Variants in IL2RA observed in about 807,000 individuals in gnomAD.
The protein encoded by IL2RA is interleukin 2 receptor subunit alpha, also known as interleukin-2 receptor subunit alpha.
Under a neutral mutation model 37.8 loss-of-function variants are expected in IL2RA, and 24 were observed. The observed-to-expected ratio is 0.63, with a 90% CI of 0.46 to 0.89. The LOEUF (loss-of-function observed/expected upper bound fraction) is 0.89. Among genes scored for constraint, IL2RA ranks in the 40% least tolerant of loss-of-function variants. The pLI, the probability that IL2RA is intolerant of heterozygous loss-of-function variation, is 0.00. For synonymous variants in IL2RA, 125 were observed against 114.6 expected, an observed-to-expected ratio of 1.09 and a Z score of -0.58; for missense variants, 319 against 348.6, an observed-to-expected ratio of 0.92 and a Z score of 0.68.
chr10:6,052,266 C>T (rs548160092), intron 1 of IL2RA, among the ~76,000 whole-genome samples: 1 of 152,228 alleles, frequency 6.6e-6, no homozygotes, highest in South Asian at 2.1e-4. Flanking sequence ...ATGAGGCAGT[C>T]CCTGATGTGA....
Position 6,054,309 on chromosome 10 carries a change from G to C in IL2RA, c.64+7779C>G, listed in dbSNP as rs1187957713. On this transcript the variant is annotated intron_variant, in intron 1 of 7. Coordinates refer to ENST00000379959, the MANE Select transcript of IL2RA (RefSeq NM_000417.3). The surrounding 1 kb of genome is among the most constrained non-coding windows in gnomAD (Gnocchi z 4.5). The stretch of plus-strand genomic sequence containing the variant: ...GCTCGGGCTGGGTCAGGAAAAAAAT[G>C]TGGAGGTAGGGAAACAAGACCCAGG... 1.3e-5 allele frequency among the ~76,000 whole-genome samples: 2 copies of C among 152,198 alleles called. No individual in the cohort carries two copies. The highest frequency in any genetic ancestry group is 2.9e-5 in the Non-Finnish European group (2 of 68,026).
intron 2 of IL2RA, 64 bp from the exon 3 acceptor site, chr10:6,024,418 T>C: frequency 8.3e-7 from 1 of 1,199,936 alleles, no homozygotes; most frequent in Non-Finnish European, 1.2e-6. Flanking sequence ...ACACTGTTCA[T>C]GTATTCATTC....
rs1840017181 is a variant in IL2RA at position 6,054,777 on chromosome 10, C to G, written c.64+7311G>C. 6.6e-6 allele frequency among the ~76,000 whole-genome samples: 1 copy of G among 152,162 alleles called. No homozygotes were observed. The highest frequency in any genetic ancestry group is 2.1e-4 in the South Asian group (1 of 4,826). On this transcript the variant is annotated intron_variant, in intron 1 of 7. Transcript: ENST00000379959. This position sits in a 1 kb window ranked among gnomAD's most constrained non-coding sequence, Gnocchi z 4.5. Reference sequence around the variant, plus strand: ...ATTTTTTTTCTAGTTCTCCAGGTAGCATGTTACTCTCCCTATTCTGATCAT... The same window carrying G: ...ATTTTTTTTCTAGTTCTCCAGGTAGGATGTTACTCTCCCTATTCTGATCAT...
At chr10:6,017,983 G>T in intron 7 of IL2RA, 70 bp downstream of exon 7, 3 of 1,242,502 alleles carry the variant, frequency 2.4e-6, no homozygotes, top group South Asian at 1.3e-5. Context: ...GGGGGTAGGG[G>T]GGAGGCAGGG....
At chr10:6,027,090 G>A (rs1329499873) in intron 1 of IL2RA, among the ~76,000 whole-genome samples, 2 of 152,228 alleles carry the variant, frequency 1.3e-5, no homozygotes, top group Admixed American at 6.5e-5. Flanking sequence ...GGGAGGCCAA[G>A]GCGGGTAGAT....
chr10:6,050,353 G>A lies in IL2RA; in HGVS notation c.64+11735C>T, dbSNP rs553395210. ...TTTCCTCATCCGTAAAATGGGAATG[G>A]TGGCAGGGCGTGGTGGCTCAAGCCT... On this transcript the variant is annotated intron_variant, in intron 1 of 7. Coordinates refer to ENST00000379959, the MANE Select transcript of IL2RA (RefSeq NM_000417.3). Among the ~76,000 whole-genome samples the A allele has an allele frequency of 2.6e-5, 4 of 152,252 alleles. No individual in the cohort carries two copies. In the East Asian group the frequency reaches 7.7e-4, roughly 29 times the overall value.
intron 1 of IL2RA, among the ~76,000 whole-genome samples, chr10:6,061,085 T>C (rs1840114771): frequency 6.6e-6 from 1 of 152,176 alleles, no homozygotes; most frequent in Non-Finnish European, 1.5e-5. Context: ...GGTGGTTTTT[T>C]ATTTCTTTAA....
rs1305423342 is a variant in IL2RA, at chr10:6,054,849, A to C, written c.64+7239T>G. Among the ~76,000 whole-genome samples, 1 of 151,810 alleles carries C rather than the reference A, an allele frequency of 6.6e-6. No homozygotes were observed. Among genetic ancestry groups the C allele is most frequent in the Non-Finnish European group, 1.5e-5 (1 of 67,932 alleles). On this transcript the variant is annotated intron_variant, in intron 1 of 7. Transcript: ENST00000379959. The surrounding 1 kb of genome is among the most constrained non-coding windows in gnomAD (Gnocchi z 4.5). ...TTGATCAATATTTGATCTTTCCCAG[A>C]TTGGTTTTCCCTTTTTCTAATTTTT...
intron 1 of IL2RA, among the ~76,000 whole-genome samples, chr10:6,061,096 A>G (rs1840115032): frequency 1.3e-5 from 2 of 152,314 alleles, no homozygotes; most frequent in South Asian, 4.1e-4. Flanking sequence ...ATTTCTTTAA[A>G]AAAAAATATT....
In IL2RA at chr10:6,028,563, C is replaced by A. The variant is rs1028261247; in HGVS notation, c.65-2538G>T. On this transcript the variant is annotated intron_variant, in intron 1 of 7. Coordinates refer to ENST00000379959, the MANE Select transcript of IL2RA (RefSeq NM_000417.3). The surrounding 1 kb of genome is among the most constrained non-coding windows in gnomAD (Gnocchi z 4.1). The stretch of plus-strand genomic sequence containing the variant: ...CTGCCTGGCAGAGCAAAATGCATTA[C>A]CTTTTAAAGGACCATAAGATAATCT... Among the ~76,000 whole-genome samples, 1 of 152,118 alleles carries A rather than the reference C, an allele frequency of 6.6e-6. No individual in the cohort carries two copies. The highest frequency in any genetic ancestry group is 6.6e-5 in the Admixed American group (1 of 15,266).
intron 1 of IL2RA, among the ~76,000 whole-genome samples, chr10:6,026,876 G>A (rs1839491775): frequency 6.6e-6 from 1 of 152,184 alleles, no homozygotes; most frequent in African/African-American, 2.4e-5. Context: ...CAGGGCTGCT[G>A]GCTGTACTTA....
At chr10:6,060,266 G>A (rs1369261087) in intron 1 of IL2RA, among the ~76,000 whole-genome samples, 2 of 152,122 alleles carry the variant, frequency 1.3e-5, no homozygotes, top group African/African-American at 4.8e-5. Flanking sequence ...CAGGGGAAAG[G>A]GTGCGAGGTG....
At chr10:6,043,556 A>G (rs1205091996) in intron 1 of IL2RA, among the ~76,000 whole-genome samples, 2 of 152,104 alleles carry the variant, frequency 1.3e-5, no homozygotes, top group Non-Finnish European at 2.9e-5. Flanking sequence ...CTCCTGCCTC[A>G]GCCCCCCAAG....
At chr10:6,059,281 G>A (rs772678235) in intron 1 of IL2RA, among the ~76,000 whole-genome samples, 1 of 152,120 alleles carries the variant, frequency 6.6e-6, no homozygotes, top group African/African-American at 2.4e-5. Flanking sequence ...CGCTGACCCT[G>A]TTTGCAATGA....
chr10:6,029,993 C>T lies in IL2RA; in HGVS notation c.65-3968G>A, dbSNP rs1839551092. On this transcript the variant is annotated intron_variant, in intron 1 of 7. Coordinates refer to ENST00000379959, the MANE Select transcript of IL2RA (RefSeq NM_000417.3). The surrounding 1 kb of genome is among the most constrained non-coding windows in gnomAD (Gnocchi z 4.6). The stretch of plus-strand genomic sequence containing the variant: ...GTGCTGGGATTACAGGTGTGAGCCA[C>T]CGTGCCCAGCCAATATTTTTAAACA... 6.6e-6 allele frequency among the ~76,000 whole-genome samples: 1 copy of T among 152,200 alleles called. No individual in the cohort carries two copies. The highest frequency in any genetic ancestry group is 2.1e-4 in the South Asian group (1 of 4,836).
intron 7 of IL2RA, among the ~76,000 whole-genome samples, chr10:6,013,492 T>G (rs1360542853): frequency 6.6e-6 from 1 of 152,212 alleles, no homozygotes; most frequent in Non-Finnish European, 1.5e-5. Flanking sequence ...CTCCCTACTT[T>G]GCACAGAGTT....
chr10:6,052,647 C>T (rs540824013), intron 1 of IL2RA, among the ~76,000 whole-genome samples: 141 of 152,290 alleles, frequency 9.3e-4, no homozygotes, highest in Non-Finnish European at 1.6e-3. Flanking sequence ...ACGCGCCCCC[C>T]CTCACGCCTC....
At chr10:6,040,190 T>G (rs1839750711) in intron 1 of IL2RA, among the ~76,000 whole-genome samples, 1 of 152,256 alleles carries the variant, frequency 6.6e-6, no homozygotes, top group Non-Finnish European at 1.5e-5. Flanking sequence ...TGAGCGGTGT[T>G]GTTTTTAGAA....
At position 6,058,669 on chromosome 10, in the gene IL2RA, CTG is replaced by C. The variant is rs1052397752; in HGVS notation, c.64+3417_64+3418del. On this transcript the variant is annotated intron_variant, in intron 1 of 7. Transcript: ENST00000379959. The surrounding 1 kb of genome is among the most constrained non-coding windows in gnomAD (Gnocchi z 4.2). ...CACATTATCTCAATGGGTTTCCACA[CTG>C]TTTTTTTAAAGAATTATTTTTGAGT... 3.3e-5 allele frequency among the ~76,000 whole-genome samples: 5 copies of C among 152,116 alleles called. No homozygotes were observed. The highest frequency in any genetic ancestry group is 9.7e-5 in the African/African-American group (4 of 41,420).
Sources: gnomAD v4.1 joint callset for allele counts (sites outside exome capture counted in the v4.1 genomes callset) on GRCh38, gnomAD v4.1.1 for gene constraint, Gnocchi (gnomAD v3.1) non-coding constraint, MANE v1.5 for transcripts, NCBI Gene and HGNC (gene_info 2026-07-23, HGNC 2026-07-21) for gene names.